KCTD18: variants seen among roughly 807,000 people sequenced by gnomAD.
KCTD18 encodes BTB/POZ domain-containing protein KCTD18.
Under a neutral mutation model 30.4 loss-of-function variants are expected in KCTD18, and 22 were observed. The ratio of observed to expected loss-of-function variants is 0.72; its 90% CI spans 0.52 to 1.03. The LOEUF (loss-of-function observed/expected upper bound fraction) is 1.03, where lower values mean the gene tolerates loss of function less well. Among genes scored for constraint, KCTD18 ranks in the 50% least tolerant of loss-of-function variants. The pLI, the probability that KCTD18 is intolerant of heterozygous loss-of-function variation, is 0.00. For synonymous variants in KCTD18, 186 were observed against 209.0 expected, an observed-to-expected ratio of 0.89 and a Z score of 0.95; for missense variants, 529 against 547.6, an observed-to-expected ratio of 0.97 and a Z score of 0.34.
intron 3 of KCTD18, 35 bp downstream of exon 3, chr2:200,504,711 AAT>A (rs1230861521): frequency 2.1e-6 from 3 of 1,422,458 alleles, no homozygotes; most frequent in Non-Finnish European, 2.9e-6. Flanking sequence ...GTGCATCATA[AAT>A]ATATATATTC....
Position 200,504,881 on chromosome 2 carries a change from G to A in KCTD18, c.239C>T (p.Thr80Ile), listed in dbSNP as rs547301026. 9 of 1,614,170 alleles carry A rather than the reference G, an allele frequency of 5.6e-6. No homozygotes were observed. The South Asian group carries it at 7.7e-5, about 14-fold the overall frequency. The change falls in exon 3 of 7, where the codon ACA becomes ATA. Residue 80 changes from threonine to isoleucine, a missense_variant. Transcript: ENST00000359878. ...TAGGGCGATGCGGGTTTGCTCATCT[G>A]TGGGAATCTGAACTTCTCCATGAAG... ...DYLHGEVQIPTDEQTRIALQE... is the reference protein window; with the variant it reads ...DYLHGEVQIPIDEQTRIALQE...
At position 200,489,963 on chromosome 2, in the gene KCTD18, C is replaced by T; in HGVS notation, c.*137G>A. 1 of 906,562 alleles carries T rather than the reference C, an allele frequency of 1.1e-6. No homozygotes were observed. The highest frequency in any genetic ancestry group is 1.6e-6 in the Non-Finnish European group (1 of 627,428). 56.2% of individuals were successfully genotyped at this position (906,562 alleles called of 1,614,324 possible). On this transcript the variant is annotated 3_prime_UTR_variant, in exon 7 of 7. Transcript: ENST00000359878. ...AGTCTCCCCTCCTCCATTCCTAGCT[C>T]ACACAATTCCAGGAACAGAATCCTC...
intron 6 of KCTD18, among the ~76,000 whole-genome samples, chr2:200,491,683 T>G (rs1279664533): frequency 6.6e-6 from 1 of 152,196 alleles, no homozygotes; most frequent in Non-Finnish European, 1.5e-5. Context: ...AACATTTTTT[T>G]AAATGACCTT....
chr2:200,501,405 T>A (rs2088082767), intron 3 of KCTD18, among the ~76,000 whole-genome samples: 2 of 132,316 alleles, frequency 1.5e-5, no homozygotes, highest in Admixed American at 8.2e-5. Flanking sequence ...AGGGCTAATA[T>A]CCAGAATCTA....
At chr2:200,500,216 G>A (rs1473941272) in intron 3 of KCTD18, among the ~76,000 whole-genome samples, 2 of 150,004 alleles carry the variant, frequency 1.3e-5, no homozygotes, top group African/African-American at 4.9e-5. Context: ...TTTGAAAACT[G>A]GCACAAGACA....
rs2088043448 is a variant in KCTD18, at chr2:200,499,100, T to C, written c.373-16A>G. The stretch of plus-strand genomic sequence containing the variant: ...CTGTTAAAGCCTAAAGCAAAAAGTA[T>C]ATATAAAATTTGAATTTAATTCTAG... On this transcript the variant is annotated splice_polypyrimidine_tract_variant and intron_variant, in intron 3 of 6. Coordinates refer to ENST00000359878, the MANE Select transcript of KCTD18 (RefSeq NM_152387.4). 6.5e-7 allele frequency: 1 copy of C among 1,549,510 alleles called. No homozygotes were observed.
chr2:200,498,900 A>T lies in KCTD18; in HGVS notation c.557T>A (p.Ile186Asn). Reference sequence around the variant, plus strand: ...TTAAATTTGGACATACCTTTTAAAAATGCCTTTGCTGTGAATTCTTCCTCC... The same window carrying T: ...TTAAATTTGGACATACCTTTTAAAATTGCCTTTGCTGTGAATTCTTCCTCC... The part of the protein sequence containing the change: ...QLGGRIHSKG[I>N]FKREAGNNVQ... Residue 186 changes from isoleucine to asparagine, a missense_variant, in exon 4 of 7, where the codon ATT (isoleucine) becomes AAT (asparagine). By Grantham distance (149) the Ile-to-Asn change is moderately radical (BLOSUM62 -3). Coordinates refer to ENST00000359878, the MANE Select transcript of KCTD18 (RefSeq NM_152387.4). 2 of 1,613,648 alleles carry T rather than the reference A, an allele frequency of 1.2e-6. No homozygotes were observed. Among genetic ancestry groups the T allele is most frequent in the Non-Finnish European group, 1.7e-6 (2 of 1,179,782 alleles).
intron 5 of KCTD18, chr2:200,497,486 TA>T: frequency 2.9e-6 from 1 of 344,372 alleles, no homozygotes. Context: ...CAGTAGGTAC[TA>T]AATGAACTCT....
intron 6 of KCTD18, among the ~76,000 whole-genome samples, chr2:200,492,621 C>T (rs2087936456): frequency 6.6e-6 from 1 of 151,968 alleles, no homozygotes; most frequent in Admixed American, 6.6e-5. Context: ...CATCTGAAGG[C>T]CATGAATAAA....
At chr2:200,493,982 G>C (rs1195342442) in intron 5 of KCTD18, among the ~76,000 whole-genome samples, 1 of 152,186 alleles carries the variant, frequency 6.6e-6, no homozygotes, top group South Asian at 2.1e-4. Context: ...ATCTGAGCTA[G>C]TGAGTTAGGC....
intron 6 of KCTD18, among the ~76,000 whole-genome samples, chr2:200,491,605 C>T (rs2087918876): frequency 6.6e-6 from 1 of 152,182 alleles, no homozygotes; most frequent in African/African-American, 2.4e-5. Flanking sequence ...ACTGCTAGAA[C>T]AGTCATGGAC....
At chr2:200,508,232 G>A (rs2106286528) in intron 1 of KCTD18, among the ~76,000 whole-genome samples, 1 of 152,306 alleles carries the variant, frequency 6.6e-6, no homozygotes. Flanking sequence ...TGGGACCACA[G>A]GTATACACCA....
chr2:200,504,283 C>A (rs1249700588), intron 3 of KCTD18, among the ~76,000 whole-genome samples: 1 of 151,930 alleles, frequency 6.6e-6, no homozygotes, highest in Non-Finnish European at 1.5e-5. Flanking sequence ...ACGGTGAAAC[C>A]CCCGTCTCTA....
rs2087890264 is a variant in KCTD18, at chr2:200,490,274, C to A, written c.1107G>T (p.Lys369Asn). The A allele has an allele frequency of 1.2e-6, 2 of 1,614,134 alleles. No individual in the cohort carries two copies. The highest frequency in any genetic ancestry group is 1.7e-6 in the Non-Finnish European group (2 of 1,180,054). The part of the protein sequence containing the change: ...LPPAKVLLSD[K>N]KPTPQRVIKL... ...TTATCACCCGCTGGGGTGTAGGCTT[C>A]TTGTCGGAGAGTAGCACCTTAGCTG... Residue 369 changes from lysine (K) to asparagine (N), a missense_variant, in exon 7 of 7, where the codon AAG (lysine) becomes AAT (asparagine). Transcript: ENST00000359878.
Position 200,489,361 on chromosome 2 carries a change from A to G in KCTD18, c.*739T>C, listed in dbSNP as rs1279762671. On this transcript the variant is annotated 3_prime_UTR_variant, in exon 7 of 7. Transcript: ENST00000359878. ...GTTAAACTTTTACTTCTCTTTTTCA[A>G]AGTATTTTCAAAACTTCACTATTCA... is the stretch of plus-strand genomic sequence containing the variant. 6.6e-6 allele frequency: 1 copy of G among 152,634 alleles called. No individual in the cohort carries two copies. Among genetic ancestry groups the G allele is most frequent in the Non-Finnish European group, 1.5e-5 (1 of 68,040 alleles). 9.5% of individuals were successfully genotyped at this position (152,634 alleles called of 1,614,324 possible).
At chr2:200,501,117 CG>C (rs1276879660) in intron 3 of KCTD18, among the ~76,000 whole-genome samples, 31 of 152,076 alleles carry the variant, frequency 2.0e-4, no homozygotes, top group Admixed American at 2.0e-3. Flanking sequence ...TTCCTTACAC[CG>C]TATACAAAAA....
intron 3 of KCTD18, among the ~76,000 whole-genome samples, 168 bp from the exon 4 acceptor site, chr2:200,499,252 T>C (rs989478807): frequency 8.9e-6 from 1 of 112,004 alleles, no homozygotes; most frequent in Non-Finnish European, 2.1e-5. Flanking sequence ...CAAACACACA[T>C]TTTTTTTAAT....
At chr2:200,500,872 T>C (rs2106281855) in intron 3 of KCTD18, among the ~76,000 whole-genome samples, 1 of 152,320 alleles carries the variant, frequency 6.6e-6, no homozygotes, top group Admixed American at 6.5e-5. Flanking sequence ...TCATGCTACC[T>C]GACTTCAAAC....
intron 5 of KCTD18, 90 bp from the exon 6 acceptor site, chr2:200,493,364 AGGTTCAT>A: frequency 1.3e-6 from 1 of 784,332 alleles, no homozygotes; most frequent in African/African-American, 1.7e-5. Flanking sequence ...CCAGAGTCTG[AGGTTCAT>A]GCCTCCCGTT....
Sources: gnomAD v4.1 joint callset for allele counts (sites outside exome capture counted in the v4.1 genomes callset) on GRCh38, gnomAD v4.1.1 for gene constraint, MANE v1.5 for transcripts, NCBI Gene and HGNC (gene_info 2026-07-23, HGNC 2026-07-21) for gene names.